Variants in RRAS2 observed in about 807,000 individuals in gnomAD.
The protein encoded by RRAS2 is ras-related protein R-Ras2.
A neutral mutation model predicts 27.6 loss-of-function variants in RRAS2; 7 were observed. The ratio of observed to expected loss-of-function variants is 0.25; its 90% CI spans 0.14 to 0.48. The LOEUF (loss-of-function observed/expected upper bound fraction) is 0.48, where lower values mean the gene tolerates loss of function less well. Among genes scored for constraint, RRAS2 ranks in the 20% least tolerant of loss-of-function variants. RRAS2 has a pLI of 0.99. For synonymous variants in RRAS2, 86 were observed against 90.9 expected (o/e 0.95, Z 0.31); for missense variants, 178 against 256.2 (o/e 0.69, Z 2.08).
At chr11:14,291,353 T>C (rs1849811360) in intron 4 of RRAS2, among the ~76,000 whole-genome samples, 1 of 152,184 alleles carries the variant, frequency 6.6e-6, no homozygotes, top group African/African-American at 2.4e-5. Context: ...GTAGTCAACA[T>C]GCCTGAGTAC....
chr11:14,354,840 C>G (rs1207161110), intron 1 of RRAS2, among the ~76,000 whole-genome samples: 1 of 151,906 alleles, frequency 6.6e-6, no homozygotes, highest in Non-Finnish European at 1.5e-5. Context: ...ACACGCCCGG[C>G]TAATTTTTGT....
chr11:14,303,190 G>A (rs1847755645), intron 1 of RRAS2, among the ~76,000 whole-genome samples: 1 of 152,138 alleles, frequency 6.6e-6, no homozygotes, highest in Admixed American at 6.5e-5. Context: ...TTAGTAATAA[G>A]TTGTGATTTG....
intron 1 of RRAS2, among the ~76,000 whole-genome samples, chr11:14,319,345 CTTTT>C (rs1156654694): frequency 2.2e-5 from 2 of 91,516 alleles, no homozygotes; most frequent in African/African-American, 4.5e-5. Flanking sequence ...TTCCCTCTGT[CTTTT>C]TTTTTTTTTT....
At chr11:14,357,550 G>C (rs1469509830) in intron 1 of RRAS2, among the ~76,000 whole-genome samples, 1 of 152,116 alleles carries the variant, frequency 6.6e-6, no homozygotes, top group Non-Finnish European at 1.5e-5. Context: ...AAAGGTTTTA[G>C]CAGCAGTAAT....
chr11:14,301,678 C>T (rs145372178), intron 1 of RRAS2, among the ~76,000 whole-genome samples: 9 of 152,206 alleles, frequency 5.9e-5, no homozygotes, highest in African/African-American at 2.2e-4. Flanking sequence ...CTGATCCCAT[C>T]GAAAGTGACA....
intron 1 of RRAS2, among the ~76,000 whole-genome samples, chr11:14,355,756 C>T (rs1849059634): frequency 1.3e-5 from 2 of 152,062 alleles, no homozygotes. Context: ...TTTCAGGAGT[C>T]TTAAAAAAGT....
intron 1 of RRAS2, among the ~76,000 whole-genome samples, chr11:14,341,088 G>A (rs1554953195): frequency 2.0e-5 from 3 of 152,108 alleles, no homozygotes; most frequent in African/African-American, 7.2e-5. Flanking sequence ...CACCAAAAGA[G>A]TGGCAGCACA....
At chr11:14,364,386 C>T in intron 1 of RRAS2, 9 of 1,536,024 alleles carry the variant, frequency 5.9e-6, no homozygotes, top group Non-Finnish European at 7.8e-6. Context: ...GCCTGCAATA[C>T]TTACCATGGG....
At position 14,359,045 on chromosome 11, in the gene RRAS2, G is replaced by A. The variant is rs1849147737; in HGVS notation, c.-175C>T. On this transcript the variant is annotated 5_prime_UTR_variant, in exon 1 of 6. Coordinates refer to ENST00000256196, the MANE Select transcript of RRAS2 (RefSeq NM_012250.6). ...GCGCGGTAGCGCGGCGCTGGGGACT[G>A]GCTGGGTACCGCCCGAGGCGCGGAG... is the stretch of plus-strand genomic sequence containing the variant. The A allele has an allele frequency of 9.0e-7, 1 of 1,117,026 alleles. No homozygotes were observed. Among genetic ancestry groups the A allele is most frequent in the Non-Finnish European group, 1.1e-6 (1 of 914,972 alleles). The allele number at this position is 1,117,026 out of a possible 1,614,324, so 69.2% of individuals were successfully genotyped here. A position where few individuals can be genotyped will look rare whatever the true frequency, so the allele number is the denominator to read the frequency against.
At chr11:14,290,938 A>C (rs1849795396) in intron 4 of RRAS2, among the ~76,000 whole-genome samples, 1 of 152,172 alleles carries the variant, frequency 6.6e-6, no homozygotes, top group South Asian at 2.1e-4. Context: ...TGCTGATGGG[A>C]ATGATCATGC....
At chr11:14,329,729 T>C (rs868928440) in intron 1 of RRAS2, among the ~76,000 whole-genome samples, 2 of 152,216 alleles carry the variant, frequency 1.3e-5, no homozygotes, top group Middle Eastern at 3.4e-3. Context: ...AAATTTTAAA[T>C]ATATAATAAA....
chr11:14,320,658 T>C (rs1198024016), intron 1 of RRAS2, among the ~76,000 whole-genome samples: 1 of 152,158 alleles, frequency 6.6e-6, no homozygotes, highest in East Asian at 1.9e-4. Flanking sequence ...CTAAAACTGG[T>C]TAAAATTAAA....
rs997207680 is a variant in RRAS2 at position 14,358,988 on chromosome 11, C to G, written c.-118G>C. On this transcript the variant is annotated 5_prime_UTR_variant, in exon 1 of 6. Coordinates refer to ENST00000256196, the MANE Select transcript of RRAS2 (RefSeq NM_012250.6). This position sits in a 1 kb window ranked among gnomAD's most constrained non-coding sequence, Gnocchi z 5.1. ...CGGGCGAGCGGCCGGGCTGGGGTCC[C>G]GGGTACCGGGAGGCGTCTGGAGGGC... 8.8e-7 allele frequency: 1 copy of G among 1,141,010 alleles called. No individual in the cohort carries two copies. Among genetic ancestry groups the G allele is most frequent in the Non-Finnish European group, 1.1e-6 (1 of 930,642 alleles). 70.7% of individuals were successfully genotyped at this position (1,141,010 alleles called of 1,614,324 possible).
At chr11:14,319,050 G>A (rs1848170703) in intron 1 of RRAS2, among the ~76,000 whole-genome samples, 1 of 152,190 alleles carries the variant, frequency 6.6e-6, no homozygotes, top group African/African-American at 2.4e-5. Flanking sequence ...CAGTCACGAG[G>A]CTAGTAAGCA....
intron 1 of RRAS2, among the ~76,000 whole-genome samples, chr11:14,341,557 T>C (rs1848705629): frequency 6.6e-6 from 1 of 152,020 alleles, no homozygotes; most frequent in Non-Finnish European, 1.5e-5. Context: ...AATAAGAATG[T>C]ACTCAAGTTT....
chr11:14,347,396 T>A (rs1257348782), intron 1 of RRAS2, among the ~76,000 whole-genome samples: 1 of 152,164 alleles, frequency 6.6e-6, no homozygotes, highest in Non-Finnish European at 1.5e-5. Flanking sequence ...TTGGTTGTTG[T>A]AAATAAGGAC....
upstream of RRAS2, among the ~76,000 whole-genome samples, chr11:14,361,886 C>T (rs532676569): frequency 4.6e-5 from 7 of 152,150 alleles, no homozygotes; most frequent in East Asian, 1.2e-3. Context: ...TATAGCCACG[C>T]AATAGAATAT....
At chr11:14,355,396 T>C (rs1484276062) in intron 1 of RRAS2, among the ~76,000 whole-genome samples, 1 of 152,156 alleles carries the variant, frequency 6.6e-6, no homozygotes, top group Non-Finnish European at 1.5e-5. Context: ...GTGTTCTACC[T>C]ACCAACAGAA....
intron 1 of RRAS2, among the ~76,000 whole-genome samples, chr11:14,351,894 C>CAAA (rs35089298): frequency 1.2e-4 from 14 of 113,272 alleles, no homozygotes; most frequent in South Asian, 6.2e-4. Context: ...GACTCCGTCT[C>CAAA]AAAAAAAAAA....
Sources: gnomAD v4.1 joint callset for allele counts (sites outside exome capture counted in the v4.1 genomes callset) on GRCh38, gnomAD v4.1.1 for gene constraint, Gnocchi (gnomAD v3.1) non-coding constraint, MANE v1.5 for transcripts, NCBI Gene and HGNC (gene_info 2026-07-23, HGNC 2026-07-21) for gene names.